PIK3R1: variants seen among roughly 807,000 people sequenced by gnomAD.
The protein encoded by PIK3R1 is phosphatidylinositol 3-kinase regulatory subunit alpha.
In PIK3R1, 29 loss-of-function variants were observed where a neutral mutation model predicts 98.0. The observed-to-expected ratio is 0.30, with a 90% CI of 0.22 to 0.40. The LOEUF is 0.40. Among genes scored for constraint, PIK3R1 ranks in the 10% least tolerant of loss-of-function variants. The pLI is 1.00. For synonymous variants in PIK3R1, 282 were observed against 311.8 expected, an observed-to-expected ratio of 0.90 and a Z score of 1.01; for missense variants, 596 against 872.7, an observed-to-expected ratio of 0.68 and a Z score of 3.99.
intron 1 of PIK3R1, among the ~76,000 whole-genome samples, chr5:68,219,937 G>A (rs1214310348): frequency 6.6e-6 from 1 of 152,144 alleles, no homozygotes; most frequent in Non-Finnish European, 1.5e-5. Flanking sequence ...GTAAAATAGA[G>A]ATAATTGTTG....
rs916734598 is a variant in PIK3R1 at position 68,298,301 on chromosome 5, A to G, written c.*700A>G. ...CAGGACTTAAAATGACATTCAGTAT[A>G]TAAAATATGTACATAATATTGGATG... On this transcript the variant is annotated 3_prime_UTR_variant, in exon 16 of 16. Transcript: ENST00000521381. 5 of 233,194 alleles carry G rather than the reference A, an allele frequency of 2.1e-5. No homozygotes were observed. The highest frequency in any genetic ancestry group is 1.1e-4 in the African/African-American group (5 of 45,338). The allele number at this position is 233,194 out of a possible 1,614,324, so 14.4% of individuals were successfully genotyped here.
chr5:68,248,931 C>A (rs1346436276), intron 2 of PIK3R1, among the ~76,000 whole-genome samples: 1 of 152,136 alleles, frequency 6.6e-6, no homozygotes, highest in South Asian at 2.1e-4. Context: ...AGGAAGTGAA[C>A]ATGTTTGCAT....
chr5:68,264,698 C>T (rs2112131928), intron 2 of PIK3R1, among the ~76,000 whole-genome samples: 1 of 152,276 alleles, frequency 6.6e-6, no homozygotes. Flanking sequence ...AGAGCAAAGT[C>T]CTCTTGAATG....
intron 2 of PIK3R1, among the ~76,000 whole-genome samples, chr5:68,255,605 A>G (rs564717535): frequency 2.1e-4 from 32 of 152,314 alleles, no homozygotes; most frequent in African/African-American, 7.2e-4. Context: ...TCTGAGCTCT[A>G]GCTTCATTTT....
At position 68,288,499 on chromosome 5, in the gene PIK3R1, G is replaced by C. The variant is rs559257481; in HGVS notation, c.917-3760G>C. Reference sequence around the variant, plus strand: ...GCCCGGACGCACTGCCGGGCGGGGCGTGGGGCGGAGGGACGAGCCGAGCCG... The same window carrying C: ...GCCCGGACGCACTGCCGGGCGGGGCCTGGGGCGGAGGGACGAGCCGAGCCG... On this transcript the variant is annotated intron_variant, in intron 7 of 15. Coordinates refer to ENST00000521381, the MANE Select transcript of PIK3R1 (RefSeq NM_181523.3). The C allele has an allele frequency of 1.4e-3, 1,825 of 1,315,278 alleles. 5 individuals are homozygous for C. Among genetic ancestry groups the C allele is most frequent in the Non-Finnish European group, 1.7e-3 (1,768 of 1,039,110 alleles). 81.5% of individuals were successfully genotyped at this position (1,315,278 alleles called of 1,614,324 possible). A position where few individuals can be genotyped will look rare whatever the true frequency, so the allele number is the denominator to read the frequency against.
intron 2 of PIK3R1, among the ~76,000 whole-genome samples, chr5:68,234,525 G>T (rs753979522): frequency 3.9e-5 from 6 of 152,212 alleles, no homozygotes; most frequent in Admixed American, 6.5e-5. Context: ...GATGCATGCG[G>T]TGTATGGTTT....
chr5:68,254,175 T>A (rs2112079944), intron 2 of PIK3R1, among the ~76,000 whole-genome samples: 1 of 152,354 alleles, frequency 6.6e-6, no homozygotes, highest in East Asian at 1.9e-4. Context: ...CTCTGGCAGT[T>A]GCCAAATACA....
intron 2 of PIK3R1, among the ~76,000 whole-genome samples, chr5:68,263,800 G>C (rs1158548200): frequency 3.9e-5 from 6 of 151,932 alleles, no homozygotes; most frequent in Admixed American, 3.9e-4. Flanking sequence ...ATGTTTTCAG[G>C]CCTCTTGCCT....
At chr5:68,262,050 TC>T (rs1690327765) in intron 2 of PIK3R1, among the ~76,000 whole-genome samples, 1 of 152,124 alleles carries the variant, frequency 6.6e-6, no homozygotes. Flanking sequence ...CCAGCCTGAG[TC>T]ACTGCTACTT....
chr5:68,300,323 T>A lies in PIK3R1; in HGVS notation c.*2722T>A. The A allele has an allele frequency of 4.3e-6, 1 of 233,094 alleles. No individual in the cohort carries two copies. The highest frequency in any genetic ancestry group is 8.5e-6 in the Non-Finnish European group (1 of 117,918). The allele number at this position is 233,094 out of a possible 1,614,324, so 14.4% of individuals were successfully genotyped here. On this transcript the variant is annotated 3_prime_UTR_variant, in exon 16 of 16. Transcript: ENST00000521381. ...CCACCGCATTTGTCGTTTTAGATAC[T>A]TTGCTAGCCGGCCACTTTGGATTTC...
intron 1 of PIK3R1, among the ~76,000 whole-genome samples, chr5:68,223,594 G>GC (rs1744172758): frequency 1.3e-5 from 2 of 152,228 alleles, no homozygotes; most frequent in South Asian, 4.1e-4. Flanking sequence ...CCAGAGTTCT[G>GC]CACAGGGTTC....
chr5:68,296,363 T>A, intron 15 of PIK3R1, 22 bp downstream of exon 15: 1 of 1,584,680 alleles, frequency 6.3e-7, no homozygotes, highest in South Asian at 1.1e-5. Flanking sequence ...CAGCAAACTT[T>A]TCTTTACAAC....
chr5:68,234,860 G>C (rs971491983), intron 2 of PIK3R1, among the ~76,000 whole-genome samples: 4 of 152,136 alleles, frequency 2.6e-5, no homozygotes, highest in Non-Finnish European at 4.4e-5. Flanking sequence ...GTCTGGGGTT[G>C]TCACTGTCAT....
chr5:68,234,855 G>A (rs1744606730), intron 2 of PIK3R1, among the ~76,000 whole-genome samples: 1 of 152,198 alleles, frequency 6.6e-6, no homozygotes, highest in Non-Finnish European at 1.5e-5. Context: ...TGACTGTCTG[G>A]GGTTGTCACT....
chr5:68,230,274 G>A lies in PIK3R1; in HGVS notation c.334+3265G>A, dbSNP rs528091917. On this transcript the variant is annotated intron_variant, in intron 2 of 15. Coordinates refer to ENST00000521381, the MANE Select transcript of PIK3R1 (RefSeq NM_181523.3). ...ACCCACGATATCGTTTACTTATTAC[G>A]TTTATTGTTCATTGACTGTTCCCTC... Among the ~76,000 whole-genome samples the A allele has an allele frequency of 4.6e-5, 7 of 152,278 alleles. No homozygotes were observed. The South Asian group carries it at 1.2e-3, about 27-fold the overall frequency.
intron 3 of PIK3R1, 129 bp downstream of exon 3, chr5:68,273,611 A>G: frequency 1.2e-6 from 1 of 800,816 alleles, no homozygotes; most frequent in Non-Finnish European, 2.1e-6. Flanking sequence ...TCTGCTGGAC[A>G]CTCAAACTGT....
At chr5:68,229,620 C>T (rs1744400656) in intron 2 of PIK3R1, among the ~76,000 whole-genome samples, 1 of 152,148 alleles carries the variant, frequency 6.6e-6, no homozygotes. Flanking sequence ...GGTGCGAGGA[C>T]AGCCTGCATG....
chr5:68,248,307 T>C (rs868039315), intron 2 of PIK3R1, among the ~76,000 whole-genome samples: 21 of 152,162 alleles, frequency 1.4e-4, no homozygotes, highest in African/African-American at 5.1e-4. Flanking sequence ...AATGGTGTTT[T>C]CCCCACTATC....
intron 7 of PIK3R1, chr5:68,288,848 T>A: frequency 8.1e-7 from 1 of 1,235,894 alleles, no homozygotes; most frequent in Non-Finnish European, 1.2e-6. Context: ...TGCGCCCCTG[T>A]AAGCGCTGCC....
Sources: allele counts gnomAD v4.1 joint callset (sites outside exome capture counted in the v4.1 genomes callset), GRCh38; gene constraint gnomAD v4.1.1; transcripts MANE v1.5; gene names NCBI Gene and HGNC (gene_info 2026-07-23, HGNC 2026-07-21).